RABGAP1L: variants seen among roughly 807,000 people sequenced by gnomAD.
RABGAP1L encodes the protein rab GTPase-activating protein 1-like.
In RABGAP1L, 63 loss-of-function variants were observed where a neutral mutation model predicts 137.7. The observed-to-expected ratio is 0.46, with a 90% confidence interval of 0.37 to 0.56. RABGAP1L has a LOEUF of 0.56. Among genes scored for constraint, RABGAP1L ranks in the 20% least tolerant of loss-of-function variants. The probability of loss-of-function intolerance (pLI) is 0.00; values close to 1 mark genes in which losing one functional copy is unlikely to be tolerated. For missense variants in RABGAP1L, 1,095 were observed against 1,244.0 expected (o/e 0.88, Z 1.80); for synonymous variants, 431 against 433.7 (o/e 0.99, Z 0.08).
chr1:174,681,149 C>G (rs903607995), intron 14 of RABGAP1L, among the ~76,000 whole-genome samples: 1 of 152,140 alleles, frequency 6.6e-6, no homozygotes, highest in Non-Finnish European at 1.5e-5. Flanking sequence ...CTTTGGGAAA[C>G]AATTTGGCAA....
At chr1:174,327,960 T>TATATATATATATATATAC (rs1680597315) in intron 11 of RABGAP1L, among the ~76,000 whole-genome samples, 1 of 12,234 alleles carries the variant, frequency 8.2e-5, no homozygotes, top group African/African-American at 6.5e-4. Flanking sequence ...GTTGTAAATA[T>TATATATATATATATATAC]ATATATATAT....
chr1:174,302,625 G>A (rs992586418), intron 10 of RABGAP1L, among the ~76,000 whole-genome samples: 5 of 152,172 alleles, frequency 3.3e-5, no homozygotes, highest in Admixed American at 1.3e-4. Context: ...GAAAAGGATA[G>A]GCTTCAGGTC....
intron 12 of RABGAP1L, among the ~76,000 whole-genome samples, chr1:174,388,512 C>T (rs1341070856): frequency 1.3e-5 from 2 of 151,686 alleles, no homozygotes; most frequent in African/African-American, 4.8e-5. Context: ...AGAGAGAAAA[C>T]ATTTGGGATA....
At chr1:174,334,144 T>C (rs938530698) in intron 11 of RABGAP1L, among the ~76,000 whole-genome samples, 1 of 152,234 alleles carries the variant, frequency 6.6e-6, no homozygotes, top group African/African-American at 2.4e-5. Flanking sequence ...CTTTCGCTTC[T>C]TTCTTTTCTG....
intron 18 of RABGAP1L, among the ~76,000 whole-genome samples, chr1:174,803,432 C>G (rs1460006486): frequency 2.6e-5 from 4 of 152,178 alleles, no homozygotes; most frequent in African/African-American, 7.2e-5. Flanking sequence ...ACAGGAGATG[C>G]AAACATCCTA....
intron 13 of RABGAP1L, among the ~76,000 whole-genome samples, chr1:174,613,701 T>G (rs1000499444): frequency 1.3e-5 from 2 of 152,212 alleles, no homozygotes; most frequent in African/African-American, 2.4e-5. Context: ...TAAGTCTCTT[T>G]GTAGGTTACT....
At chr1:174,599,848 A>G (rs996728437) in intron 13 of RABGAP1L, among the ~76,000 whole-genome samples, 2 of 151,982 alleles carry the variant, frequency 1.3e-5, no homozygotes, top group African/African-American at 4.8e-5. Context: ...ACCTTCTTGT[A>G]CTTGAATATT....
chr1:174,684,972 C>T (rs1371950325), intron 15 of RABGAP1L, among the ~76,000 whole-genome samples: 1 of 149,394 alleles, frequency 6.7e-6, no homozygotes, highest in African/African-American at 2.4e-5. Context: ...TAGAAGGAGA[C>T]CCTGTCTCAA....
chr1:174,568,721 G>A lies in RABGAP1L; in HGVS notation c.1711-68654G>A, dbSNP rs141452613. 7.0e-3 allele frequency among the ~76,000 whole-genome samples: 1,063 copies of A among 152,268 alleles called. 2 individuals are homozygous for A. The highest frequency in any genetic ancestry group is 0.017 in the Middle Eastern group (5 of 294). The stretch of plus-strand genomic sequence containing the variant: ...TGTGTGTATTTGTGTGTTTGTGTAA[G>A]TGTGTGTACATGTTTGTGTATTTTG... On this transcript the variant is annotated intron_variant, in intron 13 of 25. Coordinates refer to ENST00000681986, the MANE Select transcript of RABGAP1L (RefSeq NM_001366446.1).
chr1:174,354,267 A>G (rs760675487), intron 11 of RABGAP1L, among the ~76,000 whole-genome samples: 1 of 150,412 alleles, frequency 6.6e-6, no homozygotes, highest in African/African-American at 2.4e-5. Flanking sequence ...TTTAATTTTT[A>G]TTAATTTTAT....
At chr1:174,740,517 T>C (rs1683300617) in intron 17 of RABGAP1L, among the ~76,000 whole-genome samples, 2 of 152,328 alleles carry the variant, frequency 1.3e-5, no homozygotes, top group Non-Finnish European at 2.9e-5. Context: ...ATACCACTTC[T>C]TGAGTGTTTT....
At chr1:174,986,233 G>A (rs1053490465) in intron 24 of RABGAP1L, among the ~76,000 whole-genome samples, 4 of 152,078 alleles carry the variant, frequency 2.6e-5, no homozygotes, top group African/African-American at 9.7e-5. Flanking sequence ...ACGGGCATGA[G>A]CCGCCGTGCC....
intron 19 of RABGAP1L, among the ~76,000 whole-genome samples, chr1:174,946,855 C>T (rs917212440): frequency 2.2e-5 from 3 of 136,958 alleles, no homozygotes; most frequent in African/African-American, 8.3e-5. Context: ...GAGCCGAGAT[C>T]ATGCCACTTC....
chr1:174,488,343 CAT>C (rs1659875614), intron 13 of RABGAP1L, among the ~76,000 whole-genome samples: 1 of 151,252 alleles, frequency 6.6e-6, no homozygotes, highest in Non-Finnish European at 1.5e-5. Flanking sequence ...TAGCAGTTTA[CAT>C]ATGTCATGCC....
At chr1:174,484,310 G>A (rs1224198367) in intron 13 of RABGAP1L, among the ~76,000 whole-genome samples, 1 of 152,078 alleles carries the variant, frequency 6.6e-6, no homozygotes, top group African/African-American at 2.4e-5. Context: ...TTAATCCCTT[G>A]TCAGATGGGT....
intron 19 of RABGAP1L, among the ~76,000 whole-genome samples, chr1:174,933,504 C>T (rs1225270541): frequency 6.6e-6 from 1 of 152,094 alleles, no homozygotes; most frequent in African/African-American, 2.4e-5. Flanking sequence ...CTGAAAAGTA[C>T]TGAAGAGTTT....
At chr1:174,499,072 A>G (rs1661009127) in intron 13 of RABGAP1L, among the ~76,000 whole-genome samples, 1 of 152,106 alleles carries the variant, frequency 6.6e-6, no homozygotes, top group Admixed American at 6.5e-5. Flanking sequence ...CCAAAATATC[A>G]CAATGAACAT....
intron 13 of RABGAP1L, among the ~76,000 whole-genome samples, chr1:174,543,163 C>T (rs1665639306): frequency 6.6e-6 from 1 of 152,110 alleles, no homozygotes; most frequent in South Asian, 2.1e-4. Context: ...AACTTTCTGT[C>T]TCATTGATCT....
intron 21 of RABGAP1L, among the ~76,000 whole-genome samples, chr1:174,975,479 A>G (rs1349833335): frequency 2.0e-5 from 3 of 152,116 alleles, no homozygotes; most frequent in Non-Finnish European, 2.9e-5. Flanking sequence ...GGCTCTCTCT[A>G]TCATGGGTTT....
Sources: gnomAD v4.1 joint callset for allele counts (sites outside exome capture counted in the v4.1 genomes callset) on GRCh38, gnomAD v4.1.1 for gene constraint, MANE v1.5 for transcripts, NCBI Gene and HGNC (gene_info 2026-07-23, HGNC 2026-07-21) for gene names.